The following AEBP2 variants were observed in gnomAD, a reference collection of about 807,000 sequenced individuals.
The protein encoded by AEBP2 is zinc finger protein AEBP2.
AEBP2 carries 10 observed loss-of-function variants against 50.8 expected under a neutral mutation model. That is an observed-to-expected ratio of 0.20 (90% CI 0.12 to 0.33). AEBP2 has a LOEUF of 0.33. Ranked by LOEUF, AEBP2 falls within the 10% of genes least tolerant of loss-of-function variation. The pLI, the probability that AEBP2 is intolerant of heterozygous loss-of-function variation, is 1.00. For missense variants in AEBP2, 570 were observed against 688.0 expected (o/e 0.83, Z 1.92); for synonymous variants, 296 against 261.3 (o/e 1.13, Z -1.28).
chr12:19,434,779 A>G (rs1213447961), upstream of AEBP2, among the ~76,000 whole-genome samples: 1 of 152,220 alleles, frequency 6.6e-6, no homozygotes, highest in African/African-American at 2.4e-5. Flanking sequence ...GCCTTGTTCT[A>G]AGGAGATGCA....
chr12:19,465,791 CTT>C (rs11284427), intron 2 of AEBP2, among the ~76,000 whole-genome samples: 2,097 of 107,618 alleles, frequency 0.019, 37 homozygotes, highest in African/African-American at 0.07. Context: ...ATTGTTTTTT[CTT>C]TTTTTTTTTT....
At chr12:19,436,402 T>G (rs1027983881), upstream of AEBP2, among the ~76,000 whole-genome samples, 3 of 152,170 alleles carry the variant, frequency 2.0e-5, no homozygotes, top group African/African-American at 7.2e-5. Context: ...CCCTCAGTGC[T>G]GCTCTGTCTA....
chr12:19,461,058 A>G (rs1387572662), intron 1 of AEBP2, among the ~76,000 whole-genome samples: 2 of 152,186 alleles, frequency 1.3e-5, no homozygotes, highest in Admixed American at 6.5e-5. Context: ...CAAATAGGGT[A>G]AAATGTTAAT....
chr12:19,456,340 T>C (rs1350685410), intron 1 of AEBP2: 1 of 1,411,552 alleles, frequency 7.1e-7, no homozygotes, highest in Non-Finnish European at 9.9e-7. Context: ...ACTGCAACTG[T>C]CTGTCTCATA....
At chr12:19,433,875 C>T (rs1012968017) in intron 1 of AEBP2, among the ~76,000 whole-genome samples, 1 of 152,054 alleles carries the variant, frequency 6.6e-6, no homozygotes, top group South Asian at 2.1e-4. Flanking sequence ...GAGATGGAGT[C>T]TCGCTCTGTC....
rs34351225 is a variant in AEBP2 at position 19,404,930 on chromosome 12, CTTTTTTT to C, written c.-17+730_-17+736del. Among the ~76,000 whole-genome samples, 216 of 95,702 alleles carry C rather than the reference CTTTTTTT, an allele frequency of 2.3e-3. 1 individual carries two copies. The highest frequency in any genetic ancestry group is 8.7e-3 in the African/African-American group (201 of 23,228). 62.8% of individuals were successfully genotyped at this position (95,702 alleles called of 152,430 possible). A position where few individuals can be genotyped will look rare whatever the true frequency, so the allele number is the denominator to read the frequency against. On this transcript the variant is annotated intron_variant, in intron 1 of 3. Transcript: ENST00000538425. ...CGTGATTCCAACTTCCTTGGCTACT[CTTTTTTT>C]TTTTTTTTTTTTTTTCAGACAAGGT...
At chr12:19,496,517 A>G (rs1255417279) in intron 4 of AEBP2, among the ~76,000 whole-genome samples, 4 of 152,156 alleles carry the variant, frequency 2.6e-5, no homozygotes, top group Non-Finnish European at 4.4e-5. Flanking sequence ...AAAAGCATAC[A>G]TATCTGTAGC....
chr12:19,478,958 T>C (rs916574534), intron 3 of AEBP2, among the ~76,000 whole-genome samples: 1 of 152,162 alleles, frequency 6.6e-6, no homozygotes, highest in Non-Finnish European at 1.5e-5. Context: ...ATGGTAGGTC[T>C]CGCACTTTGG....
chr12:19,444,696 T>C lies in AEBP2; in HGVS notation c.671+4326T>C, dbSNP rs565261999. On this transcript the variant is annotated intron_variant, in intron 1 of 7. Coordinates refer to ENST00000266508, the MANE Select transcript of AEBP2 (RefSeq NM_153207.5). ...TGAAATAATTTCTGTTAAAGAGCGC[T>C]GTGAACTGTTTGGAGGAATCCATCC... Among the ~76,000 whole-genome samples the C allele has an allele frequency of 3.3e-5, 5 of 152,384 alleles. No homozygotes were observed. The South Asian group carries it at 6.2e-4, about 19-fold the overall frequency.
At chr12:19,422,467 TTAAG>T (rs1419929253) in intron 1 of AEBP2, among the ~76,000 whole-genome samples, 1 of 150,230 alleles carries the variant, frequency 6.7e-6, no homozygotes, top group African/African-American at 2.5e-5. Flanking sequence ...TACCGGAAGG[TTAAG>T]TAATTAGCAA....
chr12:19,456,846 G>A, intron 1 of AEBP2: 1 of 1,539,946 alleles, frequency 6.5e-7, no homozygotes, highest in Non-Finnish European at 9.0e-7. Flanking sequence ...TCGGCCAACA[G>A]GAACAGTACC....
chr12:19,513,945 C>A (rs77474709), intron 6 of AEBP2, among the ~76,000 whole-genome samples: 13 of 70,422 alleles, frequency 1.8e-4, no homozygotes, highest in East Asian at 4.5e-4. Flanking sequence ...TTATTTATTT[C>A]TTTTTTTTTT....
upstream of AEBP2, among the ~76,000 whole-genome samples, chr12:19,436,549 T>TAAA (rs1947863296): frequency 6.6e-6 from 1 of 151,520 alleles, no homozygotes; most frequent in South Asian, 2.1e-4. Context: ...CCCTTTCTGG[T>TAAA]AACACTTTGT....
intron 3 of AEBP2, among the ~76,000 whole-genome samples, chr12:19,488,793 G>C (rs977580964): frequency 2.6e-5 from 4 of 152,036 alleles, no homozygotes; most frequent in African/African-American, 9.7e-5. Flanking sequence ...TTGGCCACCA[G>C]CATATTTTTT....
chr12:19,411,523 C>T (rs988610936), intron 1 of AEBP2, among the ~76,000 whole-genome samples: 1 of 151,642 alleles, frequency 6.6e-6, no homozygotes, highest in Non-Finnish European at 1.5e-5. Context: ...CTTTTTGCAT[C>T]TCTAAAAGGG....
intron 5 of AEBP2, among the ~76,000 whole-genome samples, chr12:19,504,395 C>T (rs1313027565): frequency 6.6e-6 from 1 of 151,054 alleles, no homozygotes; most frequent in East Asian, 2.0e-4. Flanking sequence ...CCCCACCACG[C>T]CTGGCTAATT....
At chr12:19,453,006 C>G (rs540043778) in intron 1 of AEBP2, among the ~76,000 whole-genome samples, 1 of 130,694 alleles carries the variant, frequency 7.7e-6, no homozygotes, top group East Asian at 2.2e-4. Flanking sequence ...CGCTTTGTCG[C>G]CCAAGCTGGA....
At chr12:19,409,188 T>C (rs1020648341) in intron 1 of AEBP2, among the ~76,000 whole-genome samples, 1 of 152,152 alleles carries the variant, frequency 6.6e-6, no homozygotes, top group Non-Finnish European at 1.5e-5. Flanking sequence ...AAAAAAGTTT[T>C]TCCTGCATCA....
At chr12:19,430,520 T>C (rs2095750872) in intron 1 of AEBP2, among the ~76,000 whole-genome samples, 2 of 152,144 alleles carry the variant, frequency 1.3e-5, no homozygotes, top group Admixed American at 1.3e-4. Flanking sequence ...AAGAAAGTCA[T>C]TGGTAGCTTG....
Sources: gnomAD v4.1 joint callset for allele counts (sites outside exome capture counted in the v4.1 genomes callset) on GRCh38, gnomAD v4.1.1 for gene constraint, MANE v1.5 for transcripts, NCBI Gene and HGNC (gene_info 2026-07-23, HGNC 2026-07-21) for gene names.